The following RAB7A variants were observed in gnomAD, a reference collection of about 807,000 sequenced individuals.
The protein encoded by RAB7A is RAB7A, member RAS oncogene family.
RAB7A carries 2 observed loss-of-function variants against 24.5 expected under a neutral mutation model. The observed-to-expected ratio is 0.08, with a 90% CI of 0.03 to 0.26. The LOEUF (loss-of-function observed/expected upper bound fraction) is 0.26, where lower values mean the gene tolerates loss of function less well. Ranked by LOEUF, RAB7A falls within the 10% of genes least tolerant of loss-of-function variation. The pLI, the probability that RAB7A is intolerant of heterozygous loss-of-function variation, is 1.00. For missense variants in RAB7A, 118 were observed against 255.7 expected, an observed-to-expected ratio of 0.46 and a Z score of 3.67; for synonymous variants, 100 against 95.9, an observed-to-expected ratio of 1.04 and a Z score of -0.25.
At chr3:128,747,353 G>A (rs367913925) in intron 1 of RAB7A, among the ~76,000 whole-genome samples, 1 of 151,534 alleles carries the variant, frequency 6.6e-6, no homozygotes, top group African/African-American at 2.4e-5. Flanking sequence ...TTGGGAGGCC[G>A]AGGTGGGCAG....
At chr3:128,793,841 T>C (rs1239664515) in intron 1 of RAB7A, among the ~76,000 whole-genome samples, 1 of 152,200 alleles carries the variant, frequency 6.6e-6, no homozygotes, top group Non-Finnish European at 1.5e-5. Flanking sequence ...AGTCCAGCCA[T>C]GGGCATGAGG....
At chr3:128,763,310 G>C (rs2070792666) in intron 1 of RAB7A, among the ~76,000 whole-genome samples, 1 of 147,968 alleles carries the variant, frequency 6.8e-6, no homozygotes, top group Non-Finnish European at 1.5e-5. Context: ...CGCCTCCTGG[G>C]TTCAGGCCAT....
intron 1 of RAB7A, among the ~76,000 whole-genome samples, chr3:128,791,433 G>A (rs555706894): frequency 3.3e-5 from 5 of 152,252 alleles, no homozygotes; most frequent in South Asian, 2.1e-4. Context: ...GAGCCACCGC[G>A]CCTGGCCAAA....
chr3:128,755,337 TTATGA>T (rs1559784038), intron 1 of RAB7A, among the ~76,000 whole-genome samples: 1 of 151,804 alleles, frequency 6.6e-6, no homozygotes, highest in Admixed American at 6.6e-5. Flanking sequence ...ATTGCAAAAC[TTATGA>T]TATGCCACAA....
chr3:128,768,439 A>T (rs1317467208), intron 1 of RAB7A, among the ~76,000 whole-genome samples: 3 of 152,122 alleles, frequency 2.0e-5, no homozygotes, highest in Non-Finnish European at 4.4e-5. Flanking sequence ...TTGGGTAGGT[A>T]GCTGTTTCGG....
intron 1 of RAB7A, among the ~76,000 whole-genome samples, chr3:128,732,881 G>A (rs1000470184): frequency 2.0e-5 from 3 of 152,134 alleles, no homozygotes; most frequent in African/African-American, 7.2e-5. Context: ...TAACTGTGGA[G>A]GAGACCAGAT....
chr3:128,780,466 C>T (rs1933194450), intron 1 of RAB7A, among the ~76,000 whole-genome samples: 1 of 152,148 alleles, frequency 6.6e-6, no homozygotes. Flanking sequence ...TACAAAGCTA[C>T]AGGACACAAT....
chr3:128,768,969 C>CTTTTTT lies in RAB7A; in HGVS notation c.-8-26370_-8-26365dup, dbSNP rs35457218. ...CTTTCCTTTTTTCTTTCTTTCTTTC[C>CTTTTTT]TTTTTTTTTTTTTTTTTTTTTTTTT... On this transcript the variant is annotated intron_variant, in intron 1 of 5. Transcript: ENST00000265062. Among the ~76,000 whole-genome samples, 13 of 72,614 alleles carry CTTTTTT rather than the reference C, an allele frequency of 1.8e-4. 2 individuals carry two copies. The highest frequency in any genetic ancestry group is 3.9e-4 in the African/African-American group (6 of 15,382). 47.6% of individuals were successfully genotyped at this position (72,614 alleles called of 152,430 possible). A position where few individuals can be genotyped will look rare whatever the true frequency, so the allele number is the denominator to read the frequency against.
intron 1 of RAB7A, among the ~76,000 whole-genome samples, chr3:128,735,750 A>G (rs1426514134): frequency 6.6e-6 from 1 of 152,154 alleles, no homozygotes; most frequent in Non-Finnish European, 1.5e-5. Context: ...AGTCTGTTTT[A>G]CTGGTTAAAT....
chr3:128,795,816 ATCTCGGCT>A lies in RAB7A; in HGVS notation c.53+397_53+404del, dbSNP rs1482288166. Reference sequence around the variant, plus strand: ...GCCCAGGCTGGAGTGCAGTGGCGCGATCTCGGCTCACTGCAAGCTCCGCCTCCCGGATT... The same window carrying A: ...GCCCAGGCTGGAGTGCAGTGGCGCGACACTGCAAGCTCCGCCTCCCGGATT... On this transcript the variant is annotated intron_variant, in intron 2 of 5. Coordinates refer to ENST00000265062, the MANE Select transcript of RAB7A (RefSeq NM_004637.6). Among the ~76,000 whole-genome samples, 3 of 123,526 alleles carry A rather than the reference ATCTCGGCT, an allele frequency of 2.4e-5. No homozygotes were observed. In the East Asian group the frequency reaches 8.3e-4, roughly 34 times the overall value. The allele number at this position is 123,526 out of a possible 152,430, so 81.0% of individuals were successfully genotyped here. A position where few individuals can be genotyped will look rare whatever the true frequency, so the allele number is the denominator to read the frequency against.
rs543545494 is a variant in RAB7A, at chr3:128,753,768, A to G, written c.-9+27409A>G. 4.6e-5 allele frequency among the ~76,000 whole-genome samples: 7 copies of G among 152,308 alleles called. No individual in the cohort carries two copies. The East Asian group carries it at 1.4e-3, about 29-fold the overall frequency. On this transcript the variant is annotated intron_variant, in intron 1 of 5. Transcript: ENST00000265062. ...TAATCCTATCCATAAGGGTGGAGCT[A>G]GTATGGCCTAATCATCTCATGAAAG...
At chr3:128,811,666 A>G (rs1037267743) in intron 5 of RAB7A, among the ~76,000 whole-genome samples, 2 of 152,126 alleles carry the variant, frequency 1.3e-5, no homozygotes, top group Non-Finnish European at 2.9e-5. Flanking sequence ...CTTGGGCAAC[A>G]TAGCAAGGCC....
At chr3:128,758,369 T>A (rs1185602348) in intron 1 of RAB7A, among the ~76,000 whole-genome samples, 1 of 150,550 alleles carries the variant, frequency 6.6e-6, no homozygotes, top group Non-Finnish European at 1.5e-5. Flanking sequence ...GCCTTCCAGG[T>A]TCACGCCATT....
At chr3:128,810,233 A>C (rs1278401429) in intron 5 of RAB7A, among the ~76,000 whole-genome samples, 3 of 151,934 alleles carry the variant, frequency 2.0e-5, no homozygotes, top group South Asian at 2.1e-4. Context: ...GGCATGAGCC[A>C]CCGCACCCGG....
intron 1 of RAB7A, among the ~76,000 whole-genome samples, chr3:128,763,371 C>T (rs1039902386): frequency 1.1e-4 from 16 of 151,426 alleles, no homozygotes; most frequent in African/African-American, 2.9e-4. Flanking sequence ...CCCGCCACCA[C>T]GCCTGGCTAA....
chr3:128,744,606 C>T (rs2070590645), intron 1 of RAB7A, among the ~76,000 whole-genome samples: 2 of 152,222 alleles, frequency 1.3e-5, no homozygotes, highest in Non-Finnish European at 2.9e-5. Flanking sequence ...TTGGGGACCA[C>T]ACCTGTGCCA....
Position 128,763,864 on chromosome 3 carries a change from GCCC to G in RAB7A, c.-8-31487_-8-31485del, listed in dbSNP as rs60251504. On this transcript the variant is annotated intron_variant, in intron 1 of 5. Coordinates refer to ENST00000265062, the MANE Select transcript of RAB7A (RefSeq NM_004637.6). ...ACTGGCATTCACCTGTTAGATTCCC[GCCC>G]CCCCCCCCGCCCCTGCTTTTCAACT... Among the ~76,000 whole-genome samples the G allele has an allele frequency of 5.4e-3, 444 of 82,716 alleles. 13 individuals carry two copies. The highest frequency in any genetic ancestry group is 0.015 in the African/African-American group (397 of 26,186). The allele number at this position is 82,716 out of a possible 152,430, so 54.3% of individuals were successfully genotyped here.
chr3:128,757,165 C>A (rs1009876223), intron 1 of RAB7A, among the ~76,000 whole-genome samples: 10 of 152,062 alleles, frequency 6.6e-5, no homozygotes, highest in Non-Finnish European at 1.3e-4. Flanking sequence ...CTTGTACATA[C>A]ATCACCACCA....
chr3:128,758,765 C>G (rs1404470600), intron 1 of RAB7A, among the ~76,000 whole-genome samples: 1 of 152,084 alleles, frequency 6.6e-6, no homozygotes, highest in Non-Finnish European at 1.5e-5. Context: ...TGGTTGTGGA[C>G]AGAACTCTTG....
Sources: allele counts gnomAD v4.1 joint callset (sites outside exome capture counted in the v4.1 genomes callset), GRCh38; gene constraint gnomAD v4.1.1; transcripts MANE v1.5; gene names NCBI Gene and HGNC (gene_info 2026-07-23, HGNC 2026-07-21).